The following URB1 variants were observed in gnomAD, a reference collection of about 807,000 sequenced individuals.
The protein encoded by URB1 is URB1 ribosome biogenesis factor.
In URB1, 197 loss-of-function variants were observed where a neutral mutation model predicts 242.3. The observed-to-expected ratio is 0.81, with a 90% CI of 0.72 to 0.91. The LOEUF is 0.91. Among genes scored for constraint, URB1 ranks in the 40% least tolerant of loss-of-function variants. The probability of loss-of-function intolerance (pLI) is 0.00; values close to 1 mark genes in which losing one functional copy is unlikely to be tolerated. For synonymous variants in URB1, 1,153 were observed against 1,201.8 expected (o/e 0.96, Z 0.84); for missense variants, 2,721 against 2,860.5 (o/e 0.95, Z 1.11).
Position 32,343,340 on chromosome 21 carries a change from GTAAGAAACTACTTAT to G in URB1, c.4257+1215_4257+1229del, listed in dbSNP as rs368152459. On this transcript the variant is annotated intron_variant, in intron 24 of 38. Coordinates refer to ENST00000382751, the MANE Select transcript of URB1 (RefSeq NM_014825.3). ...GTAGAATTCTACTCAGCAACAAAAA[GTAAGAAACTACTTAT>G]TCCCACCACATGGATGAATCTGGAA... Among the ~76,000 whole-genome samples the G allele has an allele frequency of 8.9e-3, 1,350 of 152,202 alleles. 13 individuals are homozygous for G. Among genetic ancestry groups the G allele is most frequent in the Middle Eastern group, 0.048 (14 of 294 alleles).
At position 32,327,982 on chromosome 21, in the gene URB1, A is replaced by T. The variant is rs533220477; in HGVS notation, c.4961-2593T>A. On this transcript the variant is annotated intron_variant, in intron 30 of 38. Coordinates refer to ENST00000382751, the MANE Select transcript of URB1 (RefSeq NM_014825.3). ...GTATGCACTCCAAAATAAAAGGCAGAGATGGTCAGATTAGATAAAAAGCAG... is the reference window on the plus strand; with the variant it reads ...GTATGCACTCCAAAATAAAAGGCAGTGATGGTCAGATTAGATAAAAAGCAG... 2.2e-3 allele frequency among the ~76,000 whole-genome samples: 329 copies of T among 151,946 alleles called. 1 individual carries two copies. The highest frequency in any genetic ancestry group is 0.014 in the South Asian group (66 of 4,796).
At chr21:32,366,583 G>A in intron 10 of URB1, 35 bp downstream of exon 10, 1 of 1,549,930 alleles carries the variant, frequency 6.5e-7, no homozygotes, top group Non-Finnish European at 8.7e-7. Flanking sequence ...TTAGCTGGAG[G>A]CAGTTCCAGA....
rs183128976 is a variant in URB1 at position 32,336,693 on chromosome 21, A to C, written c.4685+401T>G. ...CACAAGCATGCATGCACATACAGAC[A>C]AAAAAAAAGAGATTTTATGTACAGT... On this transcript the variant is annotated intron_variant, in intron 28 of 38. Transcript: ENST00000382751. 1.8e-3 allele frequency among the ~76,000 whole-genome samples: 270 copies of C among 150,658 alleles called. 1 individual carries two copies. Among genetic ancestry groups the C allele is most frequent in the African/African-American group, 5.9e-3 (244 of 41,218 alleles).
chr21:32,346,800 C>T (rs1362015602), intron 22 of URB1, among the ~76,000 whole-genome samples, 156 bp downstream of exon 22: 1 of 152,242 alleles, frequency 6.6e-6, no homozygotes, highest in Admixed American at 6.5e-5. Flanking sequence ...GGGAGAATTA[C>T]TCCACCTTTC....
chr21:32,344,547 G>C, intron 24 of URB1, 23 bp downstream of exon 24: 1 of 1,549,034 alleles, frequency 6.5e-7, no homozygotes, highest in Admixed American at 2.0e-5. Flanking sequence ...ATTTAATCTG[G>C]ATCTCTAAGA....
chr21:32,333,693 AG>A, intron 29 of URB1, among the ~76,000 whole-genome samples: 1 of 152,354 alleles, frequency 6.6e-6, no homozygotes, highest in East Asian at 1.9e-4. Flanking sequence ...ACTGACCCTC[AG>A]GAAAGCAAAG....
intron 2 of URB1, 92 bp from the exon 3 acceptor site, chr21:32,384,556 T>C (rs762392162): frequency 2.9e-5 from 42 of 1,453,508 alleles, no homozygotes; most frequent in Non-Finnish European, 3.3e-5. Flanking sequence ...TAGTTACTTG[T>C]AGGCTTAAAG....
chr21:32,334,792 G>T (rs555149656), intron 28 of URB1, among the ~76,000 whole-genome samples: 1 of 152,144 alleles, frequency 6.6e-6, no homozygotes, highest in Non-Finnish European at 1.5e-5. Context: ...AGAACATAGC[G>T]GCAGAATTCT....
intron 1 of URB1, among the ~76,000 whole-genome samples, chr21:32,392,340 A>C (rs2146062193): frequency 6.6e-6 from 1 of 152,358 alleles, no homozygotes; most frequent in East Asian, 1.9e-4. Context: ...TCATCAAGTC[A>C]GTATGAGTGT....
intron 25 of URB1, among the ~76,000 whole-genome samples, chr21:32,339,771 G>T (rs2033007451): frequency 6.6e-6 from 1 of 152,138 alleles, no homozygotes; most frequent in African/African-American, 2.4e-5. Context: ...GATTACAGGC[G>T]TGAGCCACTG....
In URB1 at chr21:32,347,694, G is replaced by A; in HGVS notation, c.3130C>T (p.Leu1044=). ...HTLSPVLVKL[L]ATHFSAGVLQ... ...ACCCCTGCACTAAAGTGGGTGGCCA[G>A]GAGCTTCACGAGGACAGGGCTGAGC... Residue 1044 remains leucine (L), a synonymous_variant, in exon 22 of 39, where the codon CTG becomes TTG. Transcript: ENST00000382751. 6.4e-7 allele frequency: 1 copy of A among 1,551,388 alleles called. No homozygotes were observed. Among genetic ancestry groups the A allele is most frequent in the Non-Finnish European group, 8.7e-7 (1 of 1,147,008 alleles).
At chr21:32,315,186 C>T (rs2032663136) in intron 38 of URB1, 87 bp from the exon 39 acceptor site, 2 of 1,354,958 alleles carry the variant, frequency 1.5e-6, no homozygotes, top group African/African-American at 2.9e-5. Flanking sequence ...AACGGCTTTG[C>T]CAAGTGCCCA....
At position 32,319,327 on chromosome 21, in the gene URB1, C is replaced by G. The variant is rs1301152220; in HGVS notation, c.5682G>C (p.Trp1894Cys). The G allele has an allele frequency of 1.3e-6, 2 of 1,551,256 alleles. No individual in the cohort carries two copies. The highest frequency in any genetic ancestry group is 1.7e-6 in the Non-Finnish European group (2 of 1,146,780). ...TAGGCTGGCAAAGGCGCTGGCTCTC[C>G]CACTCCACTGCCTTGTCCCCCAGGT... ...VTNLGDKAVE[W>C]ESQRLCQPSS... Residue 1894 changes from tryptophan to cysteine, a missense_variant, in exon 36 of 39, where the codon TGG becomes TGC. By Grantham distance (215) the Trp-to-Cys change is radical (BLOSUM62 -2). Coordinates refer to ENST00000382751, the MANE Select transcript of URB1 (RefSeq NM_014825.3).
intron 8 of URB1, among the ~76,000 whole-genome samples, chr21:32,369,984 A>AAAAAAAAAAAAG (rs2033389357): frequency 6.6e-6 from 1 of 151,734 alleles, no homozygotes; most frequent in Non-Finnish European, 1.5e-5. Flanking sequence ...TCAAAAAAAA[A>AAAAAAAAAAAAG]AAAAAAAAAA....
rs1255424125 is a variant in URB1, at chr21:32,316,936, C to A, written c.6164G>T (p.Cys2055Phe). The A allele has an allele frequency of 6.4e-7, 1 of 1,551,748 alleles. No individual in the cohort carries two copies. The highest frequency in any genetic ancestry group is 2.4e-5 in the East Asian group (1 of 40,914). The change falls in exon 38 of 39, where the codon TGC (cysteine) becomes TTC (phenylalanine). Residue 2055 changes from cysteine to phenylalanine, a missense_variant. Physicochemically the swap from Cys to Phe is radical, Grantham distance 205. Coordinates refer to ENST00000382751, the MANE Select transcript of URB1 (RefSeq NM_014825.3). ...CAAGATGGACCTCAGGAGGCCCTTGCATGTCTCCAAGGTAGATGCCATCAG... is the reference window on the plus strand; with the variant it reads ...CAAGATGGACCTCAGGAGGCCCTTGAATGTCTCCAAGGTAGATGCCATCAG... ...PELMASTLET[C>F]KGLLRSILTY...
intron 34 of URB1, among the ~76,000 whole-genome samples, chr21:32,320,965 C>A (rs960455592): frequency 6.6e-6 from 1 of 152,188 alleles, no homozygotes; most frequent in Non-Finnish European, 1.5e-5. Flanking sequence ...ACAGGGAGTG[C>A]GTGAGGGCCC....
intron 33 of URB1, 128 bp downstream of exon 33, chr21:32,322,350 G>C (rs1463035681): frequency 2.4e-6 from 2 of 840,852 alleles, no homozygotes; most frequent in Non-Finnish European, 3.8e-6. Flanking sequence ...GGCCTGCGTG[G>C]CCACCGACTG....
At chr21:32,322,082 A>G in intron 33 of URB1, 138 bp from the exon 34 acceptor site, 2 of 994,952 alleles carry the variant, frequency 2.0e-6, no homozygotes, top group Non-Finnish European at 2.9e-6. Flanking sequence ...ATTATGAAAA[A>G]TCCCTGATCT....
chr21:32,361,035 GTA>G lies in URB1; in HGVS notation c.1726_1727del (p.Tyr576GlnfsTer3), dbSNP rs2033277106. 2 of 1,550,466 alleles carry G rather than the reference GTA, an allele frequency of 1.3e-6. No individual in the cohort carries two copies. Among genetic ancestry groups the G allele is most frequent in the Non-Finnish European group, 1.7e-6 (2 of 1,146,708 alleles). ...QKVVPHVVMQ[Y>X]NFDFSKLLKG... ...TCAGGAGCTTGCTGAAGTCAAAGTT[GTA>G]CTGCATGACCACGTGGGGGACCACC... On this transcript the variant is annotated frameshift_variant, in exon 13 of 39. Coordinates refer to ENST00000382751, the MANE Select transcript of URB1 (RefSeq NM_014825.3). LOFTEE classifies it high-confidence loss of function.
Sources: allele counts gnomAD v4.1 joint callset (sites outside exome capture counted in the v4.1 genomes callset), GRCh38; gene constraint gnomAD v4.1.1; transcripts MANE v1.5; gene names NCBI Gene and HGNC (gene_info 2026-07-23, HGNC 2026-07-21).